Variants in CABCOCO1 observed in about 807,000 individuals in gnomAD.
The protein encoded by CABCOCO1 is ciliary associated calcium binding coiled-coil 1.
In CABCOCO1, 28 loss-of-function variants were observed where a neutral mutation model predicts 35.7. The observed-to-expected ratio is 0.78, with a 90% CI of 0.58 to 1.07. The LOEUF (loss-of-function observed/expected upper bound fraction) is 1.07, where lower values mean the gene tolerates loss of function less well. CABCOCO1 is among the 50% of genes least tolerant of loss of function. The pLI is 0.00. For synonymous variants in CABCOCO1, 95 were observed against 100.1 expected, an observed-to-expected ratio of 0.95 and a Z score of 0.30; for missense variants, 326 against 309.2, an observed-to-expected ratio of 1.05 and a Z score of -0.41.
chr10:61,680,706 T>A lies in CABCOCO1; in HGVS notation c.165-437T>A, dbSNP rs1196924996. 4.8e-5 allele frequency among the ~76,000 whole-genome samples: 6 copies of A among 124,912 alleles called. 1 individual carries two copies. In the Admixed American group the frequency reaches 5.3e-4, roughly 11 times the overall value. 81.9% of individuals were successfully genotyped at this position (124,912 alleles called of 152,430 possible). On this transcript the variant is annotated intron_variant, in intron 2 of 7. Coordinates refer to ENST00000648843, the MANE Select transcript of CABCOCO1 (RefSeq NM_001366906.2). Reference sequence around the variant, plus strand: ...ATACATGTATAACATATATATGTTATACATGTATAACATATATATTATATA... The same window carrying A: ...ATACATGTATAACATATATATGTTAAACATGTATAACATATATATTATATA...
chr10:61,662,972 G>A lies in CABCOCO1; in HGVS notation c.-1G>A, dbSNP rs1478169044. On this transcript the variant is annotated 5_prime_UTR_variant, in exon 1 of 8. Transcript: ENST00000648843. ...CGCTTCTCTCGGCCGAGATTGCGGC[G>A]ATGTCGCAGGGGACGACTCCCTGGG... 1.3e-5 allele frequency: 5 copies of A among 394,770 alleles called. No individual in the cohort carries two copies. Among genetic ancestry groups the A allele is most frequent in the South Asian group, 7.1e-5 (4 of 56,636 alleles). 24.5% of individuals were successfully genotyped at this position (394,770 alleles called of 1,614,324 possible). A position where few individuals can be genotyped will look rare whatever the true frequency, so the allele number is the denominator to read the frequency against.
At chr10:61,696,258 C>T (rs2132005489) in intron 5 of CABCOCO1, among the ~76,000 whole-genome samples, 1 of 151,692 alleles carries the variant, frequency 6.6e-6, no homozygotes, top group Non-Finnish European at 1.5e-5. Context: ...TTGGGGGAAG[C>T]ATTGAATAAA....
chr10:61,757,684 TACACACACACACACAGACACACACAC>T (rs1367280498), intron 5 of CABCOCO1, among the ~76,000 whole-genome samples: 1 of 105,222 alleles, frequency 9.5e-6, no homozygotes, highest in Non-Finnish European at 1.9e-5. Flanking sequence ...GTGTGCCCAG[TACACACACACACACAGACACACACAC>T]ACACACACAC....
chr10:61,704,259 A>T (rs922623072), intron 5 of CABCOCO1, among the ~76,000 whole-genome samples: 2 of 152,114 alleles, frequency 1.3e-5, no homozygotes, highest in Non-Finnish European at 2.9e-5. Context: ...TCTTCCAAAT[A>T]TTCTAGAACT....
At chr10:61,719,207 AC>A (rs955786970) in intron 5 of CABCOCO1, among the ~76,000 whole-genome samples, 3 of 152,182 alleles carry the variant, frequency 2.0e-5, no homozygotes, top group African/African-American at 7.2e-5. Context: ...TCTTAGAAAA[AC>A]AAATTATGAA....
chr10:61,703,242 AC>A (rs1840506348), intron 5 of CABCOCO1, among the ~76,000 whole-genome samples: 1 of 150,810 alleles, frequency 6.6e-6, no homozygotes, highest in Non-Finnish European at 1.5e-5. Flanking sequence ...ACACACACAC[AC>A]ACACACACAC....
intron 5 of CABCOCO1, among the ~76,000 whole-genome samples, chr10:61,749,689 A>T (rs767532381): frequency 6.6e-6 from 1 of 152,226 alleles, no homozygotes; most frequent in Non-Finnish European, 1.5e-5. Flanking sequence ...TTTGGAATCC[A>T]TAATGAACTA....
At chr10:61,677,811 G>GTTTTTTTTTTTTTTTTTTTTTTTT (rs35492889) in intron 2 of CABCOCO1, among the ~76,000 whole-genome samples, 1 of 60,308 alleles carries the variant, frequency 1.7e-5, no homozygotes, top group Non-Finnish European at 2.9e-5. Context: ...TTTTTTGGGT[G>GTTTTTTTTTTTTTTTTTTTTTTTT]TTTTTTTTTT....
At position 61,689,030 on chromosome 10, in the gene CABCOCO1, T is replaced by C. The variant is rs139671143; in HGVS notation, c.480-1519T>C. On this transcript the variant is annotated intron_variant, in intron 4 of 7. Transcript: ENST00000648843. ...ATTTCCCTCTTGGCATGGGACAACC[T>C]AATTCCTATATGCAATTAAAAGAAT... Among the ~76,000 whole-genome samples the C allele has an allele frequency of 4.1e-4, 63 of 152,320 alleles. No individual in the cohort carries two copies. The East Asian group carries it at 0.011, about 27-fold the overall frequency.
chr10:61,736,949 G>T (rs1841431394), intron 5 of CABCOCO1, among the ~76,000 whole-genome samples: 1 of 152,004 alleles, frequency 6.6e-6, no homozygotes, highest in Non-Finnish European at 1.5e-5. Context: ...CAGTTTGGTT[G>T]CTGCTGATGT....
At chr10:61,722,254 C>T (rs77320255) in intron 5 of CABCOCO1, among the ~76,000 whole-genome samples, 17,919 of 152,068 alleles carry the variant, frequency 0.12, 1,415 homozygotes, top group African/African-American at 0.19. Context: ...AAATAAACCT[C>T]AATAAATTCC....
intron 7 of CABCOCO1, among the ~76,000 whole-genome samples, chr10:61,762,193 G>A (rs1842022720): frequency 6.6e-6 from 1 of 152,020 alleles, no homozygotes; most frequent in Non-Finnish European, 1.5e-5. Context: ...TTATTGCCGA[G>A]GAACTACCAG....
intron 5 of CABCOCO1, among the ~76,000 whole-genome samples, chr10:61,707,250 G>A (rs532242831): frequency 6.6e-6 from 1 of 152,144 alleles, no homozygotes; most frequent in Admixed American, 6.6e-5. Context: ...TTAGGCAGGC[G>A]AATGTGTTGA....
intron 5 of CABCOCO1, among the ~76,000 whole-genome samples, chr10:61,722,400 A>C (rs1300960435): frequency 6.6e-6 from 1 of 152,202 alleles, no homozygotes; most frequent in Non-Finnish European, 1.5e-5. Context: ...TTAGCCAAAA[A>C]GTAAATCTAA....
intron 5 of CABCOCO1, among the ~76,000 whole-genome samples, chr10:61,758,453 G>A (rs1011119044): frequency 6.6e-6 from 1 of 152,044 alleles, no homozygotes; most frequent in African/African-American, 2.4e-5. Flanking sequence ...GCAATGGCTC[G>A]TGGAAGTGCA....
chr10:61,683,535 T>C (rs1048608583), intron 3 of CABCOCO1, among the ~76,000 whole-genome samples: 4 of 152,128 alleles, frequency 2.6e-5, no homozygotes, highest in Non-Finnish European at 5.9e-5. Flanking sequence ...CATTCCAGCC[T>C]GGGCAACACA....
chr10:61,706,540 A>G (rs938967790), intron 5 of CABCOCO1, among the ~76,000 whole-genome samples: 1 of 152,210 alleles, frequency 6.6e-6, no homozygotes, highest in Non-Finnish European at 1.5e-5. Context: ...ATAATTGAAC[A>G]TAGCTGCTTC....
At chr10:61,738,213 A>C (rs575564421) in intron 5 of CABCOCO1, among the ~76,000 whole-genome samples, 86 of 152,226 alleles carry the variant, frequency 5.6e-4, no homozygotes, top group African/African-American at 2.0e-3. Flanking sequence ...AACTGTGTAT[A>C]ATTTGCCAGC....
intron 5 of CABCOCO1, among the ~76,000 whole-genome samples, chr10:61,721,349 C>A (rs76754575): frequency 6.6e-6 from 1 of 151,094 alleles, no homozygotes; most frequent in African/African-American, 2.5e-5. Context: ...CTTCTGAAGC[C>A]CGTTTGTGCT....
Sources: gnomAD v4.1 joint callset for allele counts (sites outside exome capture counted in the v4.1 genomes callset) on GRCh38, gnomAD v4.1.1 for gene constraint, MANE v1.5 for transcripts, NCBI Gene and HGNC (gene_info 2026-07-23, HGNC 2026-07-21) for gene names.